Variants in ZC3H12B observed in about 807,000 individuals in gnomAD.
ZC3H12B encodes the protein zinc finger CCCH-type containing 12B, also known as probable ribonuclease ZC3H12B.
Under a neutral mutation model 43.9 loss-of-function variants are expected in ZC3H12B, and 7 were observed. That is an observed-to-expected ratio of 0.16 (90% confidence interval 0.09 to 0.30). The LOEUF is 0.30. Ranked by LOEUF, ZC3H12B falls within the 10% of genes least tolerant of loss-of-function variation. The probability of loss-of-function intolerance (pLI) is 1.00; values close to 1 mark genes in which losing one functional copy is unlikely to be tolerated. For missense variants in ZC3H12B, 475 were observed against 670.2 expected (o/e 0.71, Z 3.22); for synonymous variants, 222 against 241.7 (o/e 0.92, Z 0.76).
At chrX:65,488,652 A>T (rs1295439558), upstream of ZC3H12B, 5 of 636,014 alleles carry the variant, frequency 7.9e-6, no homozygotes, top group Non-Finnish European at 9.0e-6. Context: ...GTAGGGACTG[A>T]TAACATCTGA....
the ZC3H12B span, among the ~76,000 whole-genome samples, chrX:65,283,337 G>T: frequency 9.0e-6 from 1 of 111,399 alleles, no homozygotes; most frequent in Non-Finnish European, 1.9e-5. Context: ...AATAATAAGA[G>T]CTATTTATGA....
At chrX:65,193,131 A>G in the ZC3H12B span, among the ~76,000 whole-genome samples, 669 of 104,526 alleles carry the variant, frequency 6.4e-3, 11 homozygotes, top group African/African-American at 0.023. Flanking sequence ...TTTTCTTTTA[A>G]TGTGTCTTTA....
chrX:65,455,006 A>T (rs2067586200), intron 3 of ZC3H12B, among the ~76,000 whole-genome samples: 1 of 112,059 alleles, frequency 8.9e-6, no homozygotes, highest in Non-Finnish European at 1.9e-5. Context: ...ACCAAAGTAG[A>T]TAAAACCACA....
rs758006424 is a variant in ZC3H12B, at chrX:65,491,714, A to AAT, written c.608+2326_608+2327dup. Among the ~76,000 whole-genome samples, 633 of 97,091 alleles carry AAT rather than the reference A, an allele frequency of 6.5e-3. 4 individuals carry two copies. Among genetic ancestry groups the AAT allele is most frequent in the Middle Eastern group, 0.011 (2 of 190 alleles). 84.3% of individuals were successfully genotyped at this position (97,091 alleles called of 115,157 possible). ...GGAGTGAGGCCCTATTTAAAAAAAA[A>AAT]ATATATATATATATATATATATGAC... On this transcript the variant is annotated intron_variant, in intron 1 of 4. Coordinates refer to ENST00000338957, the Ensembl canonical transcript of ZC3H12B.
intron 1 of ZC3H12B, among the ~76,000 whole-genome samples, chrX:65,495,894 A>T (rs1190624225): frequency 1.8e-5 from 2 of 111,634 alleles, no homozygotes; most frequent in Admixed American, 9.5e-5. Flanking sequence ...TTTAATAAAC[A>T]TGGGGTCTCA....
intron 2 of ZC3H12B, among the ~76,000 whole-genome samples, chrX:65,379,078 G>T (rs769904737): frequency 8.9e-6 from 1 of 112,068 alleles, no homozygotes; most frequent in Non-Finnish European, 1.9e-5. Flanking sequence ...CAAAGCAGCC[G>T]GGAAGCTCGA....
the ZC3H12B span, among the ~76,000 whole-genome samples, chrX:65,248,648 A>G: frequency 8.9e-6 from 1 of 111,732 alleles, no homozygotes; most frequent in South Asian, 3.8e-4. Context: ...TCTTTAAGGA[A>G]TCTTCACGCT....
the ZC3H12B span, among the ~76,000 whole-genome samples, chrX:65,342,328 T>G: frequency 1.8e-5 from 2 of 111,637 alleles, no homozygotes; most frequent in Admixed American, 1.9e-4. Context: ...TACAGAACTC[T>G]TCACCCCAAA....
intron 2 of ZC3H12B, among the ~76,000 whole-genome samples, chrX:65,392,758 C>T (rs994484914): frequency 3.5e-5 from 4 of 113,202 alleles, no homozygotes; most frequent in Non-Finnish European, 5.6e-5. Context: ...CCCAACAGCT[C>T]ATTGAGAATG....
the ZC3H12B span, among the ~76,000 whole-genome samples, chrX:65,181,732 C>A: frequency 1.8e-5 from 2 of 111,600 alleles, no homozygotes; most frequent in African/African-American, 3.3e-5. Context: ...GAATGGTGAT[C>A]ATTCAAAAGT....
At chrX:65,237,578 G>A in the ZC3H12B span, among the ~76,000 whole-genome samples, 1 of 106,396 alleles carries the variant, frequency 9.4e-6, no homozygotes, top group Non-Finnish European at 1.9e-5. Context: ...TGATTTTCCT[G>A]TCCAGAACTT....
chrX:65,135,498 CAT>C, the ZC3H12B span, among the ~76,000 whole-genome samples: 4 of 109,031 alleles, frequency 3.7e-5, no homozygotes, highest in African/African-American at 6.7e-5. Flanking sequence ...TTAATTTTCA[CAT>C]GTTTAATTAT....
chrX:65,415,871 T>C (rs1405238011), intron 3 of ZC3H12B, among the ~76,000 whole-genome samples: 1 of 112,546 alleles, frequency 8.9e-6, no homozygotes, highest in African/African-American at 3.2e-5. Flanking sequence ...GTTATCATTA[T>C]TACTGTCTTT....
intron 3 of ZC3H12B, among the ~76,000 whole-genome samples, chrX:65,479,981 G>C (rs922152149): frequency 3.6e-5 from 4 of 112,366 alleles, no homozygotes; most frequent in African/African-American, 1.3e-4. Context: ...TTATTTACTT[G>C]GCCTATGCCC....
At chrX:65,071,181 A>G in the ZC3H12B span, among the ~76,000 whole-genome samples, 2 of 109,719 alleles carry the variant, frequency 1.8e-5, no homozygotes, top group Non-Finnish European at 3.8e-5. Context: ...CTTCTTGTTA[A>G]GTTGTACCCT....
chrX:65,443,231 A>G (rs1390246000), intron 3 of ZC3H12B, among the ~76,000 whole-genome samples: 1 of 111,103 alleles, frequency 9.0e-6, no homozygotes, highest in Non-Finnish European at 1.9e-5. Context: ...CTTACTCACC[A>G]TGGGGATTAC....
the ZC3H12B span, among the ~76,000 whole-genome samples, chrX:65,098,234 A>G: frequency 9.1e-6 from 1 of 109,535 alleles, no homozygotes; most frequent in Non-Finnish European, 1.9e-5. Flanking sequence ...GTACACACAC[A>G]CACACACACA....
intron 3 of ZC3H12B, among the ~76,000 whole-genome samples, chrX:65,460,249 G>A (rs1397886538): frequency 4.5e-5 from 5 of 111,652 alleles, no homozygotes; most frequent in Non-Finnish European, 9.4e-5. Context: ...CTCATGGGTA[G>A]GAAGAATCAA....
chrX:65,211,839 TATATA>T, the ZC3H12B span, among the ~76,000 whole-genome samples: 17 of 79,515 alleles, frequency 2.1e-4, no homozygotes, highest in South Asian at 5.9e-4. Flanking sequence ...TACTATATAA[TATATA>T]ATATATGTTA....
Sources: gnomAD v4.1 joint callset for allele counts (sites outside exome capture counted in the v4.1 genomes callset) on GRCh38, gnomAD v4.1.1 for gene constraint, MANE v1.5 for transcripts, NCBI Gene and HGNC (gene_info 2026-07-23, HGNC 2026-07-21) for gene names.